The following ELMO1 variants were observed in gnomAD, a reference collection of about 807,000 sequenced individuals.
ELMO1 encodes the protein engulfment and cell motility 1, also known as engulfment and cell motility protein 1.
In ELMO1, 26 loss-of-function variants were observed where a neutral mutation model predicts 98.9. The observed-to-expected ratio is 0.26, with a 90% CI of 0.19 to 0.36. The LOEUF is 0.36. Among genes scored for constraint, ELMO1 ranks in the 10% least tolerant of loss-of-function variants. The probability of loss-of-function intolerance (pLI) is 1.00; values close to 1 mark genes in which losing one functional copy is unlikely to be tolerated. For synonymous variants in ELMO1, 346 were observed against 346.0 expected, an observed-to-expected ratio of 1.00 and a Z score of 0.00; for missense variants, 627 against 935.2, an observed-to-expected ratio of 0.67 and a Z score of 4.30.
At chr7:37,268,652 C>T (rs773219636) in intron 5 of ELMO1, among the ~76,000 whole-genome samples, 5 of 152,152 alleles carry the variant, frequency 3.3e-5, no homozygotes, top group Non-Finnish European at 7.3e-5. Flanking sequence ...TAGAAAGATA[C>T]GCTTGTTTAA....
intron 4 of ELMO1, among the ~76,000 whole-genome samples, chr7:37,305,943 C>T (rs998053802): frequency 1.3e-5 from 2 of 152,168 alleles, no homozygotes; most frequent in African/African-American, 4.8e-5. Context: ...ACAATAATAC[C>T]TGTAGCAGCA....
At chr7:36,990,787 G>A (rs1406788008) in intron 16 of ELMO1, among the ~76,000 whole-genome samples, 1 of 151,862 alleles carries the variant, frequency 6.6e-6, no homozygotes, top group African/African-American at 2.4e-5. Context: ...AGAATGTTAG[G>A]CGGTATACAT....
chr7:37,216,589 C>G (rs1451619643), intron 11 of ELMO1, 56 bp downstream of exon 11: 7 of 1,595,470 alleles, frequency 4.4e-6, no homozygotes, highest in Non-Finnish European at 6.0e-6. Context: ...AAGAGATTAA[C>G]AAATGCACCA....
At chr7:36,871,218 A>G (rs1471879693) in intron 19 of ELMO1, among the ~76,000 whole-genome samples, 1 of 152,208 alleles carries the variant, frequency 6.6e-6, no homozygotes, top group African/African-American at 2.4e-5. Context: ...GGGTTTGTGC[A>G]CTTAAAACTT....
chr7:36,972,204 A>G (rs1207929180), intron 16 of ELMO1, among the ~76,000 whole-genome samples: 1 of 152,254 alleles, frequency 6.6e-6, no homozygotes, highest in Non-Finnish European at 1.5e-5. Flanking sequence ...GAGGTCACAC[A>G]GCTAATGGGA....
chr7:37,406,965 C>T (rs1166875715), intron 1 of ELMO1, among the ~76,000 whole-genome samples: 1 of 152,186 alleles, frequency 6.6e-6, no homozygotes, highest in Non-Finnish European at 1.5e-5. Flanking sequence ...AACAGAATCA[C>T]ATACACTGCT....
chr7:37,154,560 A>G lies in ELMO1; in HGVS notation c.1087-21326T>C, dbSNP rs570668313. On this transcript the variant is annotated intron_variant, in intron 13 of 21. Transcript: ENST00000310758. ...CCGATTTGATCAAGCGCAAGAAAGG[A>G]TATCAGTGATTGAAGATCAAATTAA... 3.9e-5 allele frequency among the ~76,000 whole-genome samples: 6 copies of G among 152,362 alleles called. No homozygotes were observed. The South Asian group carries it at 1.0e-3, about 26-fold the overall frequency.
chr7:37,330,841 C>T (rs1392262792), intron 2 of ELMO1, among the ~76,000 whole-genome samples: 2 of 152,146 alleles, frequency 1.3e-5, no homozygotes, highest in African/African-American at 4.8e-5. Flanking sequence ...ATGCCAGCAT[C>T]ACTAGTCTTA....
intron 15 of ELMO1, among the ~76,000 whole-genome samples, chr7:37,075,313 A>ATT (rs750539995): frequency 1.7e-4 from 24 of 138,466 alleles, no homozygotes; most frequent in African/African-American, 4.5e-4. Flanking sequence ...CACCCGGCTA[A>ATT]TTTTTTTTTT....
intron 4 of ELMO1, among the ~76,000 whole-genome samples, chr7:37,275,283 T>G (rs1341047496): frequency 6.6e-6 from 1 of 152,202 alleles, no homozygotes; most frequent in Non-Finnish European, 1.5e-5. Flanking sequence ...TACTGGGTGC[T>G]GGGTGGGAGG....
chr7:37,328,472 C>T (rs954238626), intron 2 of ELMO1, among the ~76,000 whole-genome samples: 16 of 148,364 alleles, frequency 1.1e-4, no homozygotes, highest in African/African-American at 3.4e-4. Context: ...TGAACACAGA[C>T]CTGTACAATT....
At chr7:37,257,900 G>C (rs1173041555) in intron 6 of ELMO1, among the ~76,000 whole-genome samples, 1 of 151,702 alleles carries the variant, frequency 6.6e-6, no homozygotes, top group Admixed American at 6.6e-5. Context: ...TTGGGAGGCA[G>C]AGGCAGGCAG....
At chr7:37,365,450 C>T (rs2131339700) in intron 1 of ELMO1, among the ~76,000 whole-genome samples, 1 of 152,282 alleles carries the variant, frequency 6.6e-6, no homozygotes. Context: ...AGCAGGACAC[C>T]TGCTCAACAG....
chr7:37,334,077 C>A (rs1296761031), intron 2 of ELMO1, among the ~76,000 whole-genome samples: 1 of 152,146 alleles, frequency 6.6e-6, no homozygotes, highest in Non-Finnish European at 1.5e-5. Flanking sequence ...AGGGGAGCTT[C>A]ATAAAAACAA....
chr7:36,966,307 T>A (rs1311783767), intron 16 of ELMO1, among the ~76,000 whole-genome samples: 1 of 152,234 alleles, frequency 6.6e-6, no homozygotes, highest in Non-Finnish European at 1.5e-5. Flanking sequence ...GAAATGGGAA[T>A]CAGACCTGAA....
intron 14 of ELMO1, 68 bp from the exon 15 acceptor site, chr7:37,096,795 C>T: frequency 7.2e-7 from 1 of 1,383,456 alleles, no homozygotes; most frequent in Non-Finnish European, 1.0e-6. Context: ...ATATCACCTT[C>T]ATTCCAATAG....
At chr7:37,436,326 A>G (rs1179274733) in intron 1 of ELMO1, among the ~76,000 whole-genome samples, 1 of 152,094 alleles carries the variant, frequency 6.6e-6, no homozygotes, top group Non-Finnish European at 1.5e-5. Flanking sequence ...CATGTTTACC[A>G]CTCTCCTAGG....
chr7:36,974,106 C>G (rs1008814904), intron 16 of ELMO1, among the ~76,000 whole-genome samples: 6 of 152,250 alleles, frequency 3.9e-5, no homozygotes, highest in Non-Finnish European at 8.8e-5. Flanking sequence ...ATCGACCACC[C>G]AAGGGCTGAG....
chr7:36,984,842 G>C, intron 16 of ELMO1: 1 of 928,758 alleles, frequency 1.1e-6, no homozygotes, highest in African/African-American at 1.8e-5. Flanking sequence ...ACAATCAGGG[G>C]AAAAGATCTT....
Sources: allele counts gnomAD v4.1 joint callset (sites outside exome capture counted in the v4.1 genomes callset), GRCh38; gene constraint gnomAD v4.1.1; transcripts MANE v1.5; gene names NCBI Gene and HGNC (gene_info 2026-07-23, HGNC 2026-07-21).